CGNL1: variants seen among roughly 807,000 people sequenced by gnomAD.
The protein encoded by CGNL1 is cingulin like 1.
A neutral mutation model predicts 141.2 loss-of-function variants in CGNL1; 132 were observed. That is an observed-to-expected ratio of 0.93 (90% CI 0.81 to 1.08). The LOEUF (loss-of-function observed/expected upper bound fraction) is 1.08. Ranked by LOEUF, CGNL1 falls within the 50% of genes least tolerant of loss-of-function variation. CGNL1 has a pLI of 0.00. For synonymous variants in CGNL1, 690 were observed against 622.1 expected, an observed-to-expected ratio of 1.11 and a Z score of -1.63; for missense variants, 1,870 against 1,588.6, an observed-to-expected ratio of 1.18 and a Z score of -3.01.
intron 4 of CGNL1, among the ~76,000 whole-genome samples, chr15:57,449,010 C>T (rs1198385371): frequency 2.6e-5 from 4 of 151,984 alleles, no homozygotes; most frequent in Non-Finnish European, 5.9e-5. Context: ...AAGTTTTTGC[C>T]CTTACTCTTA....
intron 4 of CGNL1, among the ~76,000 whole-genome samples, chr15:57,448,723 G>C (rs1417680431): frequency 6.6e-6 from 1 of 151,716 alleles, no homozygotes; most frequent in Non-Finnish European, 1.5e-5. Flanking sequence ...TTAATTTGTA[G>C]TCCTTATCTG....
Position 57,461,782 on chromosome 15 carries a change from G to C in CGNL1, c.2293G>C (p.Gly765Arg), listed in dbSNP as rs1306425791. 1 of 1,614,154 alleles carries C rather than the reference G, an allele frequency of 6.2e-7. No homozygotes were observed. ...KRERELTALK[G>R]ALKEEVSSHD... is the part of the protein sequence containing the mutation. ...AGAGCGTGAACTCACCGCCCTGAAG[G>C]GAGCCCTGAAAGAAGAGGTTTCCAG... The change falls in exon 8 of 19, where the codon GGA (glycine) becomes CGA (arginine). Residue 765 changes from glycine (G) to arginine (R), a missense_variant. Physicochemically the swap from Gly to Arg is moderately radical, Grantham distance 125. Transcript: ENST00000281282.
chr15:57,412,633 G>A (rs1300448243), intron 1 of CGNL1, among the ~76,000 whole-genome samples: 1 of 152,138 alleles, frequency 6.6e-6, no homozygotes, highest in African/African-American at 2.4e-5. Context: ...AGTTTATCTT[G>A]ACGCATCTCT....
intron 8 of CGNL1, among the ~76,000 whole-genome samples, chr15:57,470,613 T>C (rs1270197867): frequency 6.6e-6 from 1 of 152,226 alleles, no homozygotes; most frequent in Non-Finnish European, 1.5e-5. Context: ...GACAAAGATA[T>C]GCTGGTTTAT....
intron 1 of CGNL1, among the ~76,000 whole-genome samples, chr15:57,423,964 G>T (rs1324205052): frequency 6.6e-6 from 1 of 152,190 alleles, no homozygotes; most frequent in Non-Finnish European, 1.5e-5. Flanking sequence ...CTCCATCTAT[G>T]TGACTTCCTA....
At chr15:57,420,295 C>T (rs773400149) in intron 1 of CGNL1, among the ~76,000 whole-genome samples, 1 of 152,142 alleles carries the variant, frequency 6.6e-6, no homozygotes, top group Non-Finnish European at 1.5e-5. Context: ...TCTAGGTGCT[C>T]TCAGCCAAAA....
At position 57,481,220 on chromosome 15, in the gene CGNL1, TGTATTGCAAAC is replaced by T. The variant is rs2063722420; in HGVS notation, c.2403+19329_2403+19339del. 2.6e-5 allele frequency among the ~76,000 whole-genome samples: 4 copies of T among 152,254 alleles called. No homozygotes were observed. In the South Asian group the frequency reaches 8.3e-4, roughly 32 times the overall value. On this transcript the variant is annotated intron_variant, in intron 8 of 18. Transcript: ENST00000281282. ...TTTATCCTGTTTCCCCCAAATGTAA[TGTATTGCAAAC>T]TATAGTACAATAGCATGACCAGGAT... is the stretch of plus-strand genomic sequence containing the variant.
chr15:57,529,963 T>C lies in CGNL1; in HGVS notation c.3201+1148T>C, dbSNP rs185889556. ...GTTGGACTGCTGTACATTTTGCTAA[T>C]GTCCTGGCTCTGATCTCTTTAGGGG... On this transcript the variant is annotated intron_variant, in intron 13 of 18. Coordinates refer to ENST00000281282, the MANE Select transcript of CGNL1 (RefSeq NM_032866.5). Among the ~76,000 whole-genome samples, 220 of 152,378 alleles carry C rather than the reference T, an allele frequency of 1.4e-3. 1 individual carries two copies. The highest frequency in any genetic ancestry group is 3.4e-3 in the Middle Eastern group (1 of 294).
At chr15:57,452,313 T>C (rs1474897052) in intron 6 of CGNL1, 24 bp downstream of exon 6, 2 of 1,606,448 alleles carry the variant, frequency 1.2e-6, no homozygotes, top group South Asian at 1.1e-5. Flanking sequence ...TGAGAGCCTG[T>C]TGCCCTTCCC....
At chr15:57,458,531 C>T (rs1469850704) in intron 7 of CGNL1, among the ~76,000 whole-genome samples, 2 of 152,148 alleles carry the variant, frequency 1.3e-5, no homozygotes, top group Admixed American at 1.3e-4. Context: ...CAAAAGGCAA[C>T]ACAAAACATA....
At chr15:57,451,459 C>G (rs754354947) in intron 4 of CGNL1, 41 bp from the exon 5 acceptor site, 2 of 1,394,472 alleles carry the variant, frequency 1.4e-6, no homozygotes, top group Non-Finnish European at 2.0e-6. Flanking sequence ...AATAAAGCAC[C>G]CTGAACATTT....
intron 1 of CGNL1, among the ~76,000 whole-genome samples, chr15:57,406,364 G>C (rs558805672): frequency 1.3e-5 from 2 of 152,188 alleles, no homozygotes; most frequent in Non-Finnish European, 2.9e-5. Flanking sequence ...ACAGTAGCTA[G>C]AGGGAGGGAG....
chr15:57,510,896 T>A (rs2030238421), intron 8 of CGNL1, among the ~76,000 whole-genome samples: 1 of 152,180 alleles, frequency 6.6e-6, no homozygotes, highest in Non-Finnish European at 1.5e-5. Context: ...GCTCTGTTTG[T>A]ACAGCTGCTC....
chr15:57,541,924 C>A (rs1242684974), intron 14 of CGNL1, among the ~76,000 whole-genome samples: 1 of 152,196 alleles, frequency 6.6e-6, no homozygotes. Flanking sequence ...GGGCAGAGGC[C>A]CAGCTTCCCC....
At chr15:57,506,432 G>A (rs2064104072) in intron 8 of CGNL1, among the ~76,000 whole-genome samples, 1 of 152,098 alleles carries the variant, frequency 6.6e-6, no homozygotes, top group Non-Finnish European at 1.5e-5. Context: ...CTGGAAACTG[G>A]GGAACATTTT....
rs1046541205 is a variant in CGNL1, at chr15:57,529,912, C to A, written c.3201+1097C>A. Among the ~76,000 whole-genome samples, 3 of 152,164 alleles carry A rather than the reference C, an allele frequency of 2.0e-5. 1 individual carries two copies. The highest frequency in any genetic ancestry group is 1.3e-4 in the Admixed American group (2 of 15,264). ...GGGCCTCTTTTAGAGACTAGAATAA[C>A]CTGATTACAGTTTTATTGCTCTTTT... On this transcript the variant is annotated intron_variant, in intron 13 of 18. Coordinates refer to ENST00000281282, the MANE Select transcript of CGNL1 (RefSeq NM_032866.5).
At chr15:57,401,581 T>G (rs1439129225) in intron 1 of CGNL1, among the ~76,000 whole-genome samples, 1 of 152,216 alleles carries the variant, frequency 6.6e-6, no homozygotes, top group Non-Finnish European at 1.5e-5. Context: ...CAAAACAGCT[T>G]CAACCTGATG....
chr15:57,417,047 C>T (rs57782015), intron 1 of CGNL1, among the ~76,000 whole-genome samples: 4,499 of 152,240 alleles, frequency 0.03, 210 homozygotes, highest in East Asian at 0.13. Flanking sequence ...GCCTCAGTTG[C>T]TTCACCTGCA....
chr15:57,470,102 A>G (rs934902744), intron 8 of CGNL1, among the ~76,000 whole-genome samples: 4 of 152,142 alleles, frequency 2.6e-5, no homozygotes, highest in Non-Finnish European at 5.9e-5. Context: ...TGAGAGCTGG[A>G]GAAGTGGTGG....
Sources: gnomAD v4.1 joint callset for allele counts (sites outside exome capture counted in the v4.1 genomes callset) on GRCh38, gnomAD v4.1.1 for gene constraint, MANE v1.5 for transcripts, NCBI Gene and HGNC (gene_info 2026-07-23, HGNC 2026-07-21) for gene names.